The following CNTNAP4 variants were observed in gnomAD, a reference collection of about 807,000 sequenced individuals.
CNTNAP4 encodes the protein contactin associated protein family member 4.
Under a neutral mutation model 148.4 loss-of-function variants are expected in CNTNAP4, and 98 were observed. That is an observed-to-expected ratio of 0.66 (90% CI 0.56 to 0.78). The LOEUF (loss-of-function observed/expected upper bound fraction) is 0.78, where lower values mean the gene tolerates loss of function less well. Among genes scored for constraint, CNTNAP4 ranks in the 30% least tolerant of loss-of-function variants. The pLI is 0.00. For synonymous variants in CNTNAP4, 730 were observed against 565.1 expected (o/e 1.29, Z -4.14); for missense variants, 1,935 against 1,565.6 (o/e 1.24, Z -3.98).
intron 2 of CNTNAP4, among the ~76,000 whole-genome samples, chr16:76,316,825 G>A (rs1271624726): frequency 6.6e-6 from 1 of 152,014 alleles, no homozygotes; most frequent in Non-Finnish European, 1.5e-5. Context: ...ACCTTAATTG[G>A]CCTTCAGTTT....
At chr16:76,412,915 T>G (rs1022705899) in intron 3 of CNTNAP4, among the ~76,000 whole-genome samples, 6 of 151,510 alleles carry the variant, frequency 4.0e-5, no homozygotes, top group Non-Finnish European at 8.9e-5. Flanking sequence ...GCCTTTCACA[T>G]TTATGTCTAC....
chr16:76,341,753 T>C (rs527545653), intron 2 of CNTNAP4, among the ~76,000 whole-genome samples: 58 of 152,180 alleles, frequency 3.8e-4, no homozygotes, highest in Non-Finnish European at 7.8e-4. Context: ...AAAAAATCAT[T>C]GTAGCCACAA....
chr16:76,329,818 T>A (rs939616624), intron 2 of CNTNAP4, among the ~76,000 whole-genome samples: 2 of 152,336 alleles, frequency 1.3e-5, no homozygotes, highest in Admixed American at 6.5e-5. Flanking sequence ...TATAACTGAC[T>A]TTTATAATAG....
intron 2 of CNTNAP4, among the ~76,000 whole-genome samples, chr16:76,344,976 G>T (rs1429593934): frequency 6.6e-6 from 1 of 152,186 alleles, no homozygotes; most frequent in Non-Finnish European, 1.5e-5. Context: ...TTGGATCTCT[G>T]TGCCAAGGAC....
intron 14 of CNTNAP4, 102 bp from the exon 15 acceptor site, chr16:76,498,465 C>T: frequency 1.2e-6 from 1 of 855,146 alleles, no homozygotes; most frequent in Middle Eastern, 2.5e-4. Flanking sequence ...TGGATCCATA[C>T]TCTTTTGTAG....
At chr16:76,375,161 C>G (rs1170305746) in intron 3 of CNTNAP4, among the ~76,000 whole-genome samples, 1 of 152,138 alleles carries the variant, frequency 6.6e-6, no homozygotes, top group Non-Finnish European at 1.5e-5. Context: ...GTGGCTCATG[C>G]CTGTAATCCC....
intron 3 of CNTNAP4, among the ~76,000 whole-genome samples, chr16:76,400,902 CTGTT>C (rs2078389314): frequency 6.6e-6 from 1 of 152,046 alleles, no homozygotes; most frequent in African/African-American, 2.4e-5. Context: ...GTCTATGTGT[CTGTT>C]TGATACCATT....
At chr16:76,522,642 T>C (rs71394262) in intron 17 of CNTNAP4, among the ~76,000 whole-genome samples, 15,185 of 86,934 alleles carry the variant, frequency 0.17, 2,989 homozygotes, top group Middle Eastern at 0.24. Context: ...TCCTTCTTTC[T>C]TTCTTTTCTC....
At chr16:76,424,929 G>A (rs34824297) in intron 3 of CNTNAP4, among the ~76,000 whole-genome samples, 51,722 of 152,052 alleles carry the variant, frequency 0.34, 10,809 homozygotes, top group Non-Finnish European at 0.44. Flanking sequence ...TGAAATAATC[G>A]ATTTTTTAGG....
At chr16:76,432,072 C>T (rs4888504) in intron 4 of CNTNAP4, among the ~76,000 whole-genome samples, 69,479 of 151,970 alleles carry the variant, frequency 0.46, 16,530 homozygotes, top group African/African-American at 0.58. Flanking sequence ...ATAACAAATG[C>T]GTGAAGTGCT....
intron 13 of CNTNAP4, among the ~76,000 whole-genome samples, chr16:76,490,973 T>C (rs1375889278): frequency 1.3e-5 from 2 of 152,126 alleles, no homozygotes; most frequent in African/African-American, 4.8e-5. Flanking sequence ...GAAATTTGTT[T>C]CGTATAGAAA....
At chr16:76,384,463 A>G (rs2016312474) in intron 3 of CNTNAP4, among the ~76,000 whole-genome samples, 1 of 152,176 alleles carries the variant, frequency 6.6e-6, no homozygotes, top group African/African-American at 2.4e-5. Flanking sequence ...TGCCTCAGTA[A>G]GGGATGAAAG....
intron 3 of CNTNAP4, among the ~76,000 whole-genome samples, chr16:76,416,096 T>C (rs1381127749): frequency 6.6e-6 from 1 of 151,332 alleles, no homozygotes; most frequent in Non-Finnish European, 1.5e-5. Flanking sequence ...ATGGGCTCAA[T>C]ATTGGTGACT....
At chr16:76,279,386 A>G (rs1958601522) in intron 1 of CNTNAP4, among the ~76,000 whole-genome samples, 1 of 152,218 alleles carries the variant, frequency 6.6e-6, no homozygotes, top group Non-Finnish European at 1.5e-5. Context: ...TGTTTTCTTG[A>G]AGCTCAATAA....
At chr16:76,294,200 A>G (rs1449552274) in intron 1 of CNTNAP4, among the ~76,000 whole-genome samples, 1 of 152,154 alleles carries the variant, frequency 6.6e-6, no homozygotes, top group Non-Finnish European at 1.5e-5. Flanking sequence ...CCTGCTATTC[A>G]GGGACCCACA....
rs753331568 is a variant in CNTNAP4 at position 76,521,201 on chromosome 16, C to T, written c.2427C>T (p.Phe809=). The change falls in exon 16 of 24, where the codon TTC becomes TTT. Residue 809 remains phenylalanine (F), a synonymous_variant. Transcript: ENST00000611870. The stretch of plus-strand genomic sequence containing the variant: ...CTTCATATCTTCATTTTCCTACCTT[C>T]CACGGAGAACTTAGCGCGGATGTAT... ...TEASYLHFPT[F]HGELSADVSF... The T allele has an allele frequency of 1.2e-6, 2 of 1,611,650 alleles. No individual in the cohort carries two copies. Among genetic ancestry groups the T allele is most frequent in the Non-Finnish European group, 1.7e-6 (2 of 1,179,172 alleles).
chr16:76,323,994 T>C (rs1288200758), intron 2 of CNTNAP4, among the ~76,000 whole-genome samples: 1 of 152,214 alleles, frequency 6.6e-6, no homozygotes, highest in African/African-American at 2.4e-5. Context: ...ACTCTTCTTA[T>C]GTGTAATATT....
intron 4 of CNTNAP4, among the ~76,000 whole-genome samples, chr16:76,431,456 G>T (rs1457679188): frequency 6.6e-6 from 1 of 152,090 alleles, no homozygotes; most frequent in East Asian, 1.9e-4. Flanking sequence ...GAGGTGGGGG[G>T]TTACCTGAGG....
At chr16:76,539,876 G>C (rs184233651) in intron 20 of CNTNAP4, 24 bp downstream of exon 20, 889 of 1,529,530 alleles carry the variant, frequency 5.8e-4, no homozygotes, top group Non-Finnish European at 6.3e-4. Flanking sequence ...TTCAGCAGAA[G>C]CAATCATTTT....
Sources: allele counts gnomAD v4.1 joint callset (sites outside exome capture counted in the v4.1 genomes callset), GRCh38; gene constraint gnomAD v4.1.1; transcripts MANE v1.5; gene names NCBI Gene and HGNC (gene_info 2026-07-23, HGNC 2026-07-21).